Variants in YEATS4 observed in about 807,000 individuals in gnomAD.
The protein encoded by YEATS4 is YEATS domain containing 4.
In YEATS4, 17 loss-of-function variants were observed where a neutral mutation model predicts 30.1. The ratio of observed to expected loss-of-function variants is 0.56; its 90% CI spans 0.39 to 0.85. The LOEUF (loss-of-function observed/expected upper bound fraction) is 0.85. Among genes scored for constraint, YEATS4 ranks in the 40% least tolerant of loss-of-function variants. The pLI is 0.00. For synonymous variants in YEATS4, 85 were observed against 87.5 expected (o/e 0.97, Z 0.16); for missense variants, 142 against 268.3 (o/e 0.53, Z 3.29).
chr12:69,380,722 G>A (rs572807481), intron 6 of YEATS4, among the ~76,000 whole-genome samples: 25 of 152,280 alleles, frequency 1.6e-4, no homozygotes, highest in Admixed American at 9.2e-4. Flanking sequence ...AATATTTCAC[G>A]TAGGTTCTTT....
intron 1 of YEATS4, among the ~76,000 whole-genome samples, chr12:69,362,013 G>GTTTTTGTTTTTTTTTGTT (rs1555174243): frequency 4.3e-5 from 3 of 69,064 alleles, no homozygotes; most frequent in African/African-American, 5.0e-5. Flanking sequence ...GTGTTTGGTT[G>GTTTTTGTTTTTTTTTGTT]TTTTTTTTTT....
chr12:69,389,871 G>A (rs939060835), intron 6 of YEATS4, among the ~76,000 whole-genome samples: 5 of 151,972 alleles, frequency 3.3e-5, no homozygotes, highest in African/African-American at 9.7e-5. Context: ...ATCTTAATAT[G>A]TGTATGGAAA....
At chr12:69,407,702 CTTTTTTTTTTTTTTT>C in the YEATS4 span, among the ~76,000 whole-genome samples, 10 of 62,636 alleles carry the variant, frequency 1.6e-4, 1 homozygote, top group East Asian at 1.6e-3. Flanking sequence ...TACTTTTTGT[CTTTTTTTTTTTTTTT>C]TTTTTTTTTT....
the YEATS4 span, among the ~76,000 whole-genome samples, chr12:69,415,593 A>G: frequency 6.6e-6 from 1 of 152,186 alleles, no homozygotes; most frequent in African/African-American, 2.4e-5. Flanking sequence ...GGAGCAAGCA[A>G]TGGACCCAGT....
chr12:69,404,369 G>T, the YEATS4 span, among the ~76,000 whole-genome samples: 2 of 152,234 alleles, frequency 1.3e-5, no homozygotes, highest in Admixed American at 6.5e-5. Flanking sequence ...CATTGTGACA[G>T]TGTTGGGTGA....
At position 69,382,131 on chromosome 12, in the gene YEATS4, A is replaced by G. The variant is rs1440766057; in HGVS notation, c.515-8016A>G. Among the ~76,000 whole-genome samples, 5 of 152,346 alleles carry G rather than the reference A, an allele frequency of 3.3e-5. No homozygotes were observed. The East Asian group carries it at 9.6e-4, about 29-fold the overall frequency. On this transcript the variant is annotated intron_variant, in intron 6 of 6. Coordinates refer to ENST00000247843, the MANE Select transcript of YEATS4 (RefSeq NM_006530.4). ...CCATTTCCCATGAATAATCAGTCTC[A>G]TTATAGGAATAGGGGATGATACAGA...
At chr12:69,411,368 A>G in the YEATS4 span, among the ~76,000 whole-genome samples, 4 of 152,060 alleles carry the variant, frequency 2.6e-5, no homozygotes, top group African/African-American at 4.8e-5. Flanking sequence ...GGGCACAAGC[A>G]ATCCTCCCAC....
At chr12:69,416,856 T>C in the YEATS4 span, among the ~76,000 whole-genome samples, 1 of 152,082 alleles carries the variant, frequency 6.6e-6, no homozygotes, top group African/African-American at 2.4e-5. Flanking sequence ...GTGGATAAGG[T>C]GAGGTCTGGA....
At chr12:69,364,611 T>TA (rs1875357132) in intron 2 of YEATS4, among the ~76,000 whole-genome samples, 1 of 152,204 alleles carries the variant, frequency 6.6e-6, no homozygotes, top group South Asian at 2.1e-4. Context: ...TCCTTAGCTT[T>TA]ATGTAATATA....
intron 6 of YEATS4, among the ~76,000 whole-genome samples, chr12:69,387,552 G>A (rs1352690365): frequency 6.6e-6 from 1 of 152,180 alleles, no homozygotes; most frequent in Non-Finnish European, 1.5e-5. Context: ...ATAGGGGGCA[G>A]ACTAAATGAA....
At chr12:69,375,012 C>CA (rs1697889899) in intron 6 of YEATS4, among the ~76,000 whole-genome samples, 1 of 146,476 alleles carries the variant, frequency 6.8e-6, no homozygotes, top group South Asian at 2.2e-4. Flanking sequence ...GGGGCTGCCC[C>CA]CACCTCCCGG....
rs1209527874 is a variant in YEATS4, at chr12:69,362,876, G to A, written c.140G>A (p.Trp47Ter). 7 of 1,610,324 alleles carry A rather than the reference G, an allele frequency of 4.3e-6. No homozygotes were observed. The highest frequency in any genetic ancestry group is 5.1e-6 in the Non-Finnish European group (6 of 1,177,984). ...GAAGAAGATGGGCACACTCATCAGTGGACAGTATATGTGAAACCATATAGA... is the reference window on the plus strand; with the variant it reads ...GAAGAAGATGGGCACACTCATCAGTAGACAGTATATGTGAAACCATATAGA... ...KREEDGHTHQ[W>*]TVYVKPYRNE... The change falls in exon 2 of 7, where the codon TGG (tryptophan) becomes TAG (stop). Residue 47 changes from tryptophan to a stop codon, truncating the protein, a stop_gained. Transcript: ENST00000247843. LOFTEE classifies it high-confidence loss of function.
At chr12:69,381,286 G>A (rs12298587) in intron 6 of YEATS4, among the ~76,000 whole-genome samples, 16,447 of 152,164 alleles carry the variant, frequency 0.11, 2,775 homozygotes, top group African/African-American at 0.36. Flanking sequence ...AGAATTCAGC[G>A]ATATTTCTGT....
At chr12:69,421,687 G>C in the YEATS4 span, among the ~76,000 whole-genome samples, 1 of 152,138 alleles carries the variant, frequency 6.6e-6, no homozygotes, top group Non-Finnish European at 1.5e-5. Flanking sequence ...CACAAGTCTA[G>C]GCGGCTGAAA....
downstream of YEATS4, among the ~76,000 whole-genome samples, chr12:69,394,418 G>C (rs1868336482): frequency 6.6e-6 from 1 of 152,200 alleles, no homozygotes; most frequent in African/African-American, 2.4e-5. Context: ...TGAATAGGCA[G>C]TTCACTGAAG....
At chr12:69,381,041 T>C (rs912900487) in intron 6 of YEATS4, among the ~76,000 whole-genome samples, 1 of 152,178 alleles carries the variant, frequency 6.6e-6, no homozygotes, top group Non-Finnish European at 1.5e-5. Context: ...GCACATATTG[T>C]CATTGATAAC....
At chr12:69,370,230 C>A (rs1286935363) in intron 4 of YEATS4, among the ~76,000 whole-genome samples, 2 of 152,008 alleles carry the variant, frequency 1.3e-5, no homozygotes. Flanking sequence ...TATTACTGAC[C>A]AACTTTTTAT....
chr12:69,426,222 C>T, the YEATS4 span, among the ~76,000 whole-genome samples: 1 of 152,138 alleles, frequency 6.6e-6, no homozygotes, highest in Non-Finnish European at 1.5e-5. Context: ...GCCTGAGTGA[C>T]AGAGTGAGAC....
chr12:69,374,874 G>T (rs1382053939), intron 6 of YEATS4, among the ~76,000 whole-genome samples: 1 of 152,080 alleles, frequency 6.6e-6, no homozygotes, highest in East Asian at 1.9e-4. Context: ...ATCATGGCCC[G>T]TTCTCAATGA....
Sources: allele counts gnomAD v4.1 joint callset (sites outside exome capture counted in the v4.1 genomes callset), GRCh38; gene constraint gnomAD v4.1.1; transcripts MANE v1.5; gene names NCBI Gene and HGNC (gene_info 2026-07-23, HGNC 2026-07-21).